Variants in PMEPA1 observed in about 807,000 individuals in gnomAD.
The protein encoded by PMEPA1 is protein TMEPAI.
In PMEPA1, 11 loss-of-function variants were observed where a neutral mutation model predicts 23.0. The ratio of observed to expected loss-of-function variants is 0.48; its 90% CI spans 0.30 to 0.79. The LOEUF (loss-of-function observed/expected upper bound fraction) is 0.79. Among genes scored for constraint, PMEPA1 ranks in the 30% least tolerant of loss-of-function variants. The pLI is 0.06. For missense variants in PMEPA1, 377 were observed against 390.9 expected, an observed-to-expected ratio of 0.96 and a Z score of 0.30; for synonymous variants, 204 against 166.4, an observed-to-expected ratio of 1.23 and a Z score of -1.74.
At chr20:57,705,132 T>C (rs1231925924) in intron 1 of PMEPA1, among the ~76,000 whole-genome samples, 3 of 152,054 alleles carry the variant, frequency 2.0e-5, no homozygotes, top group Non-Finnish European at 2.9e-5. Context: ...TGACTGTGTG[T>C]GCGCGTGTGT....
At chr20:57,702,191 C>G (rs1284146556) in intron 1 of PMEPA1, among the ~76,000 whole-genome samples, 1 of 152,204 alleles carries the variant, frequency 6.6e-6, no homozygotes, top group African/African-American at 2.4e-5. Flanking sequence ...GGGAACAGCA[C>G]CGGAGGTCAG....
At position 57,648,449 on chromosome 20, in the gene PMEPA1, A is replaced by G. The variant is rs145612315; in HGVS notation, c.*3604T>C. ...AAGTATTGCAGCTTTTCAGAATGTCATCATTGCCACTAATGATTACTGATA... is the reference window on the plus strand; with the variant it reads ...AAGTATTGCAGCTTTTCAGAATGTCGTCATTGCCACTAATGATTACTGATA... On this transcript the variant is annotated 3_prime_UTR_variant, in exon 4 of 4. Coordinates refer to ENST00000341744, the MANE Select transcript of PMEPA1 (RefSeq NM_020182.5). 1 of 152,772 alleles carries G rather than the reference A, an allele frequency of 6.5e-6. No homozygotes were observed. Among genetic ancestry groups the G allele is most frequent in the East Asian group, 1.9e-4 (1 of 5,190 alleles). 9.5% of individuals were successfully genotyped at this position (152,772 alleles called of 1,614,324 possible).
intron 1 of PMEPA1, among the ~76,000 whole-genome samples, chr20:57,687,138 T>A (rs1282375140): frequency 6.6e-6 from 1 of 152,214 alleles, no homozygotes; most frequent in Non-Finnish European, 1.5e-5. Context: ...CAGACGTGGA[T>A]GTGTAGGTTC....
rs1166637881 is a variant in PMEPA1, at chr20:57,655,648, G to C, written c.265-2562C>G. Among the ~76,000 whole-genome samples the C allele has an allele frequency of 6.6e-6, 1 of 152,150 alleles. No homozygotes were observed. The highest frequency in any genetic ancestry group is 1.5e-5 in the Non-Finnish European group (1 of 68,022). ...CACCCCAGGTGGAGGACAAGGACAG[G>C]TTCCAATCCTACAGCCACTGCTGAC... On this transcript the variant is annotated intron_variant, in intron 2 of 3. Coordinates refer to ENST00000341744, the MANE Select transcript of PMEPA1 (RefSeq NM_020182.5). The surrounding 1 kb of genome is among the most constrained non-coding windows in gnomAD (Gnocchi z 4.2).
At chr20:57,670,670 T>C (rs1210777220) in intron 1 of PMEPA1, among the ~76,000 whole-genome samples, 1 of 152,176 alleles carries the variant, frequency 6.6e-6, no homozygotes, top group East Asian at 1.9e-4. Flanking sequence ...GACTCCGCGT[T>C]GTATTCCGTC....
chr20:57,668,963 C>T (rs1200529176), intron 1 of PMEPA1, among the ~76,000 whole-genome samples: 1 of 152,120 alleles, frequency 6.6e-6, no homozygotes, highest in Non-Finnish European at 1.5e-5. Context: ...GCCTGCTTTA[C>T]TGATCTCTGC....
intron 1 of PMEPA1, among the ~76,000 whole-genome samples, chr20:57,701,166 C>A (rs1444002286): frequency 6.6e-6 from 1 of 152,174 alleles, no homozygotes; most frequent in Non-Finnish European, 1.5e-5. Context: ...CTTCCTACCC[C>A]CATTCCCATT....
intron 1 of PMEPA1, among the ~76,000 whole-genome samples, chr20:57,680,577 G>T (rs991962452): frequency 6.6e-6 from 1 of 152,218 alleles, no homozygotes; most frequent in Non-Finnish European, 1.5e-5. Flanking sequence ...GCACAGTGCC[G>T]GGTGCATAGT....
chr20:57,685,144 T>A (rs960108200), intron 1 of PMEPA1, among the ~76,000 whole-genome samples: 5 of 147,400 alleles, frequency 3.4e-5, no homozygotes, highest in African/African-American at 1.3e-4. Flanking sequence ...CTGCAGAACG[T>A]CTAGACAGTC....
chr20:57,665,864 C>T (rs1025370149), intron 1 of PMEPA1, among the ~76,000 whole-genome samples: 5 of 152,228 alleles, frequency 3.3e-5, no homozygotes, highest in African/African-American at 1.2e-4. Flanking sequence ...GCTTCATACA[C>T]ACATCATGTT....
At chr20:57,691,575 T>A (rs1016003371) in intron 1 of PMEPA1, among the ~76,000 whole-genome samples, 5 of 152,138 alleles carry the variant, frequency 3.3e-5, no homozygotes, top group African/African-American at 1.2e-4. Context: ...ACTCCTTTCC[T>A]GCTTCCTCAG....
At chr20:57,696,163 G>C (rs2071940924) in intron 1 of PMEPA1, among the ~76,000 whole-genome samples, 1 of 152,154 alleles carries the variant, frequency 6.6e-6, no homozygotes, top group Non-Finnish European at 1.5e-5. Flanking sequence ...TGGAGGATGG[G>C]AGGAGGAGGA....
chr20:57,683,856 T>G lies in PMEPA1; in HGVS notation c.110-24159A>C, dbSNP rs962907367. 3.3e-5 allele frequency among the ~76,000 whole-genome samples: 5 copies of G among 151,962 alleles called. 1 individual carries two copies. The highest frequency in any genetic ancestry group is 3.3e-4 in the Admixed American group (5 of 15,260). The stretch of plus-strand genomic sequence containing the variant: ...CCAGCCACCTGCACAAAGTCCATCA[T>G]AAACCCATGCGGGGCACAATGGGAG... On this transcript the variant is annotated intron_variant, in intron 1 of 3. Transcript: ENST00000341744. This position sits in a 1 kb window ranked among gnomAD's most constrained non-coding sequence, Gnocchi z 4.3.
chr20:57,692,066 C>A (rs1600666678), intron 1 of PMEPA1, among the ~76,000 whole-genome samples: 2 of 152,236 alleles, frequency 1.3e-5, no homozygotes, highest in Non-Finnish European at 2.9e-5. Flanking sequence ...GGAGCCACCA[C>A]TCCTCCAATA....
intron 1 of PMEPA1, among the ~76,000 whole-genome samples, chr20:57,702,739 T>C (rs1600675871): frequency 6.6e-6 from 1 of 152,240 alleles, no homozygotes; most frequent in African/African-American, 2.4e-5. Flanking sequence ...ATCCCATTTT[T>C]GTATCCGCAG....
chr20:57,664,688 C>T (rs1377472391), intron 1 of PMEPA1, among the ~76,000 whole-genome samples: 1 of 152,294 alleles, frequency 6.6e-6, no homozygotes, highest in Non-Finnish European at 1.5e-5. Flanking sequence ...ACTGCCAACG[C>T]GAGGCGGAAG....
chr20:57,697,431 C>T (rs2071955997), intron 1 of PMEPA1, among the ~76,000 whole-genome samples: 1 of 152,206 alleles, frequency 6.6e-6, no homozygotes, highest in African/African-American at 2.4e-5. Context: ...CAACATCCCT[C>T]ATCTATACTT....
In PMEPA1 at chr20:57,655,560, G is replaced by A. The variant is rs1033770139; in HGVS notation, c.265-2474C>T. 2.0e-5 allele frequency among the ~76,000 whole-genome samples: 3 copies of A among 152,208 alleles called. No individual in the cohort carries two copies. The highest frequency in any genetic ancestry group is 4.4e-5 in the Non-Finnish European group (3 of 68,036). ...TTCCAAAGTGGCTTGAGAAGTCGGGGGAGGTGGGCCCAGCTTCAGAATTGT... is the reference window on the plus strand; with the variant it reads ...TTCCAAAGTGGCTTGAGAAGTCGGGAGAGGTGGGCCCAGCTTCAGAATTGT... On this transcript the variant is annotated intron_variant, in intron 2 of 3. Coordinates refer to ENST00000341744, the MANE Select transcript of PMEPA1 (RefSeq NM_020182.5). The surrounding 1 kb of genome is among the most constrained non-coding windows in gnomAD (Gnocchi z 4.2).
intron 1 of PMEPA1, among the ~76,000 whole-genome samples, chr20:57,680,557 AAT>A: frequency 6.6e-6 from 1 of 152,352 alleles, no homozygotes; most frequent in East Asian, 1.9e-4. Flanking sequence ...GATGATAGTG[AAT>A]ATCTCAGGCA....
Sources: gnomAD v4.1 joint callset for allele counts (sites outside exome capture counted in the v4.1 genomes callset) on GRCh38, gnomAD v4.1.1 for gene constraint, Gnocchi (gnomAD v3.1) non-coding constraint, MANE v1.5 for transcripts, NCBI Gene and HGNC (gene_info 2026-07-23, HGNC 2026-07-21) for gene names.